RIMS2: variants seen among roughly 807,000 people sequenced by gnomAD.
RIMS2 encodes the protein regulating synaptic membrane exocytosis 2.
A neutral mutation model predicts 174.4 loss-of-function variants in RIMS2; 59 were observed. The ratio of observed to expected loss-of-function variants is 0.34; its 90% CI spans 0.27 to 0.42. The LOEUF (loss-of-function observed/expected upper bound fraction) is 0.42. Among genes scored for constraint, RIMS2 ranks in the 10% least tolerant of loss-of-function variants. RIMS2 has a pLI of 1.00. For missense variants in RIMS2, 1,620 were observed against 1,666.3 expected, an observed-to-expected ratio of 0.97 and a Z score of 0.48; for synonymous variants, 606 against 572.5, an observed-to-expected ratio of 1.06 and a Z score of -0.84.
chr8:103,677,847 G>A (rs1005408945), intron 1 of RIMS2, among the ~76,000 whole-genome samples: 1 of 152,184 alleles, frequency 6.6e-6, no homozygotes, highest in African/African-American at 2.4e-5. Flanking sequence ...AAATACAGAA[G>A]AGATGTACAG....
chr8:103,844,917 T>A (rs1388013244), intron 3 of RIMS2, among the ~76,000 whole-genome samples: 1 of 152,120 alleles, frequency 6.6e-6, no homozygotes, highest in Non-Finnish European at 1.5e-5. Flanking sequence ...CTTTATTGAC[T>A]TGGTTGCATT....
At position 103,753,169 on chromosome 8, in the gene RIMS2, C is replaced by T. The variant is rs551075980; in HGVS notation, c.388-13058C>T. On this transcript the variant is annotated intron_variant, in intron 2 of 23. Coordinates refer to ENST00000504942, the Ensembl canonical transcript of RIMS2. ...AGGGTAGTTGAATTTTGTCAAAGGC[C>T]TTTTCTGCATCTATTGAGATAATCA... Among the ~76,000 whole-genome samples, 36 of 152,124 alleles carry T rather than the reference C, an allele frequency of 2.4e-4. No individual in the cohort carries two copies. In the East Asian group the frequency reaches 6.8e-3, roughly 29 times the overall value.
chr8:104,068,892 T>C (rs2097149565), intron 19 of RIMS2, among the ~76,000 whole-genome samples: 1 of 152,220 alleles, frequency 6.6e-6, no homozygotes, highest in Admixed American at 6.5e-5. Context: ...CAAAAATGTT[T>C]AAGAACTTAA....
At chr8:103,573,542 G>C (rs2092992416) in intron 1 of RIMS2, among the ~76,000 whole-genome samples, 1 of 152,010 alleles carries the variant, frequency 6.6e-6, no homozygotes, top group African/African-American at 2.4e-5. Flanking sequence ...GTGCAGCTTT[G>C]TTTTTGGGTT....
intron 1 of RIMS2, among the ~76,000 whole-genome samples, chr8:103,602,103 A>G (rs577183602): frequency 1.3e-5 from 2 of 152,238 alleles, no homozygotes; most frequent in East Asian, 1.9e-4. Flanking sequence ...CTCCTGCCTC[A>G]GCCTCCTGAG....
intron 1 of RIMS2, among the ~76,000 whole-genome samples, chr8:103,599,460 A>G (rs564795518): frequency 8.7e-5 from 13 of 149,604 alleles, no homozygotes; most frequent in South Asian, 8.4e-4. Flanking sequence ...TTTCTTTGAG[A>G]CAAGATCTCA....
intron 16 of RIMS2, among the ~76,000 whole-genome samples, chr8:103,987,277 T>C (rs1235299651): frequency 6.6e-6 from 1 of 152,162 alleles, no homozygotes; most frequent in Non-Finnish European, 1.5e-5. Context: ...GTGCCCAGCT[T>C]AAGAAGCCCA....
chr8:103,819,617 T>C, intron 3 of RIMS2: 17 of 1,612,340 alleles, frequency 1.1e-5, no homozygotes, highest in Non-Finnish European at 1.4e-5. Flanking sequence ...GGACAAACAC[T>C]GAACAATGCA....
chr8:103,572,337 G>A (rs1461282089), intron 1 of RIMS2, among the ~76,000 whole-genome samples: 1 of 152,058 alleles, frequency 6.6e-6, no homozygotes, highest in Admixed American at 6.6e-5. Flanking sequence ...CCCTTATTTG[G>A]CCCTGCGCAC....
chr8:103,662,923 C>A (rs1313710239), intron 1 of RIMS2, among the ~76,000 whole-genome samples: 1 of 152,142 alleles, frequency 6.6e-6, no homozygotes, highest in African/African-American at 2.4e-5. Context: ...GTAATCCTAG[C>A]ACTTTGGGAG....
chr8:103,626,464 GCAAA>G (rs1245397066), intron 1 of RIMS2, among the ~76,000 whole-genome samples: 1 of 152,076 alleles, frequency 6.6e-6, no homozygotes, highest in South Asian at 2.1e-4. Context: ...AATATGAACA[GCAAA>G]CAATTATTAC....
At chr8:104,057,122 A>G (rs2096883867) in intron 19 of RIMS2, among the ~76,000 whole-genome samples, 1 of 144,838 alleles carries the variant, frequency 6.9e-6, no homozygotes, top group African/African-American at 2.6e-5. Context: ...GCTGGAGTGC[A>G]GTGGTGCAAA....
intron 19 of RIMS2, among the ~76,000 whole-genome samples, chr8:104,095,335 G>A (rs1327459618): frequency 1.3e-5 from 2 of 152,092 alleles, no homozygotes; most frequent in African/African-American, 4.8e-5. Context: ...CAGGAGCAAT[G>A]TTTTTTAATA....
At chr8:103,618,984 A>C (rs1052093061) in intron 1 of RIMS2, among the ~76,000 whole-genome samples, 3 of 152,048 alleles carry the variant, frequency 2.0e-5, no homozygotes, top group Non-Finnish European at 4.4e-5. Context: ...AGAGAAATAA[A>C]AGTTGCTTGA....
intron 10 of RIMS2, chr8:103,922,569 T>A (rs2077897000): frequency 8.9e-6 from 3 of 338,616 alleles, no homozygotes; most frequent in South Asian, 2.3e-5. Context: ...ATTACTAAAC[T>A]TGAAATTTCA....
intron 19 of RIMS2, among the ~76,000 whole-genome samples, chr8:104,174,357 T>TG (rs2135588988): frequency 6.6e-6 from 1 of 152,172 alleles, no homozygotes; most frequent in South Asian, 2.1e-4. Context: ...ATTTTGTTGT[T>TG]GGGGTGGAGG....
chr8:104,114,908 G>A (rs1277786806), intron 19 of RIMS2, among the ~76,000 whole-genome samples: 1 of 151,706 alleles, frequency 6.6e-6, no homozygotes, highest in Non-Finnish European at 1.5e-5. Context: ...TACATTGAAG[G>A]ATTGCAAATA....
rs186351701 is a variant in RIMS2 at position 104,097,270 on chromosome 8, A to G, written c.3334+82655A>G. The stretch of plus-strand genomic sequence containing the variant: ...TAAACACTAAATTCATTTATGTTTT[A>G]TAGACACCTTATACACATAGCCTGA... On this transcript the variant is annotated intron_variant, in intron 19 of 23. Transcript: ENST00000504942. Among the ~76,000 whole-genome samples, 40 of 152,302 alleles carry G rather than the reference A, an allele frequency of 2.6e-4. 1 individual carries two copies. Among genetic ancestry groups the G allele is most frequent in the Non-Finnish European group, 4.4e-5 (3 of 68,028 alleles).
At chr8:104,052,736 G>T (rs1250529673) in intron 19 of RIMS2, among the ~76,000 whole-genome samples, 1 of 152,088 alleles carries the variant, frequency 6.6e-6, no homozygotes, top group South Asian at 2.1e-4. Context: ...GGGATGACTA[G>T]GAGACAACTG....
Sources: gnomAD v4.1 joint callset for allele counts (sites outside exome capture counted in the v4.1 genomes callset) on GRCh38, gnomAD v4.1.1 for gene constraint, MANE v1.5 for transcripts, NCBI Gene and HGNC (gene_info 2026-07-23, HGNC 2026-07-21) for gene names.